Variants in IFT80 observed in about 807,000 individuals in gnomAD.
IFT80 encodes the protein intraflagellar transport 80.
A neutral mutation model predicts 107.9 loss-of-function variants in IFT80; 79 were observed. The ratio of observed to expected loss-of-function variants is 0.73; its 90% CI spans 0.61 to 0.88. The LOEUF is 0.88. IFT80 is among the 40% of genes least tolerant of loss of function. The pLI, the probability that IFT80 is intolerant of heterozygous loss-of-function variation, is 0.00. For synonymous variants in IFT80, 299 were observed against 300.9 expected, an observed-to-expected ratio of 0.99 and a Z score of 0.07; for missense variants, 797 against 914.2, an observed-to-expected ratio of 0.87 and a Z score of 1.65.
At chr3:160,381,265 T>TATATATATATATATA (rs1559971346) in intron 3 of IFT80, among the ~76,000 whole-genome samples, 106 of 135,174 alleles carry the variant, frequency 7.8e-4, no homozygotes, top group Non-Finnish European at 1.1e-3. Flanking sequence ...TATATATATA[T>TATATATATATATATA]TAAAGCCAAA....
rs1030024869 is a variant in IFT80 at position 160,260,329 on chromosome 3, A to G, written c.2224-1694T>C. The stretch of plus-strand genomic sequence containing the variant: ...ATCAGGGCAAAATCTGATATTTTTT[A>G]AACGGCAAAGCACTCATTTCTATGT... On this transcript the variant is annotated intron_variant, in intron 19 of 19. Coordinates refer to ENST00000326448, the MANE Select transcript of IFT80 (RefSeq NM_020800.3). Among the ~76,000 whole-genome samples, 13 of 152,246 alleles carry G rather than the reference A, an allele frequency of 8.5e-5. No homozygotes were observed. In the East Asian group the frequency reaches 9.6e-4, roughly 11 times the overall value.
chr3:160,314,492 C>T (rs927914664), intron 9 of IFT80, among the ~76,000 whole-genome samples: 6 of 152,100 alleles, frequency 3.9e-5, no homozygotes, highest in Non-Finnish European at 7.3e-5. Context: ...TTCAGAGAGA[C>T]GGTAGGGCAA....
intron 12 of IFT80, among the ~76,000 whole-genome samples, chr3:160,292,673 T>C (rs1489133193): frequency 2.6e-5 from 4 of 151,928 alleles, no homozygotes; most frequent in Non-Finnish European, 4.4e-5. Flanking sequence ...AGAGACGGGG[T>C]TTCACCATGT....
chr3:160,296,744 T>C (rs919734103), intron 12 of IFT80, among the ~76,000 whole-genome samples: 2 of 152,174 alleles, frequency 1.3e-5, no homozygotes, highest in African/African-American at 4.8e-5. Flanking sequence ...CAATGACCCA[T>C]ATATTGCCAA....
intron 9 of IFT80, among the ~76,000 whole-genome samples, chr3:160,314,358 C>G (rs999195866): frequency 6.6e-6 from 1 of 152,132 alleles, no homozygotes; most frequent in African/African-American, 2.4e-5. Context: ...CTAGGCACTT[C>G]CTTCTAACAG....
intron 5 of IFT80, among the ~76,000 whole-genome samples, chr3:160,370,482 T>A: frequency 6.6e-6 from 1 of 152,226 alleles, no homozygotes; most frequent in South Asian, 2.1e-4. Context: ...GTTAATCAAG[T>A]GGGATTTATT....
intron 19 of IFT80, among the ~76,000 whole-genome samples, chr3:160,265,193 C>T (rs1337774501): frequency 2.0e-5 from 3 of 152,188 alleles, no homozygotes; most frequent in Admixed American, 6.5e-5. Flanking sequence ...ACACTGTCTA[C>T]AGGAGGCACT....
chr3:160,335,696 C>G (rs2108325045), intron 8 of IFT80, among the ~76,000 whole-genome samples: 1 of 152,220 alleles, frequency 6.6e-6, no homozygotes, highest in East Asian at 1.9e-4. Context: ...TATAATTCAT[C>G]CTTTTAAAAT....
rs536832995 is a variant in IFT80, at chr3:160,306,029, T to C, written c.1076+1634A>G. 2.0e-5 allele frequency among the ~76,000 whole-genome samples: 3 copies of C among 152,284 alleles called. No individual in the cohort carries two copies. In the East Asian group the frequency reaches 5.8e-4, roughly 29 times the overall value. Reference sequence around the variant, plus strand: ...AACTTTATGAAATATGTTTTGGTGGTGATTCATTCCCACTACTGCATCCTT... The same window carrying C: ...AACTTTATGAAATATGTTTTGGTGGCGATTCATTCCCACTACTGCATCCTT... On this transcript the variant is annotated intron_variant, in intron 10 of 19. Transcript: ENST00000326448.
chr3:160,337,692 A>T (rs1169429765), intron 8 of IFT80, among the ~76,000 whole-genome samples: 1 of 151,592 alleles, frequency 6.6e-6, no homozygotes, highest in African/African-American at 2.4e-5. Flanking sequence ...TGAGTATCCT[A>T]TATTAACCTA....
chr3:160,380,503 C>A (rs531565438), intron 3 of IFT80, among the ~76,000 whole-genome samples: 2 of 152,128 alleles, frequency 1.3e-5, no homozygotes, highest in Admixed American at 1.3e-4. Flanking sequence ...ATGGTGAGAA[C>A]AGGGACCCGA....
At chr3:160,386,334 G>A (rs1295907502) in intron 1 of IFT80, among the ~76,000 whole-genome samples, 3 of 152,194 alleles carry the variant, frequency 2.0e-5, no homozygotes, top group Admixed American at 1.3e-4. Context: ...CCAATTTGGG[G>A]AAGTGCAGAG....
At chr3:160,308,647 T>C (rs145502237) in intron 9 of IFT80, among the ~76,000 whole-genome samples, 2,183 of 152,236 alleles carry the variant, frequency 0.014, 51 homozygotes, top group African/African-American at 0.046. Context: ...TTTCTAAATA[T>C]AATGTGACAA....
intron 6 of IFT80, among the ~76,000 whole-genome samples, chr3:160,363,307 C>T (rs544927162): frequency 1.3e-4 from 20 of 152,098 alleles, no homozygotes; most frequent in South Asian, 4.2e-4. Flanking sequence ...CAACTTACAA[C>T]GGATGTGAGG....
At chr3:160,359,799 T>C (rs1488031682) in intron 6 of IFT80, among the ~76,000 whole-genome samples, 1 of 152,174 alleles carries the variant, frequency 6.6e-6, no homozygotes, top group Admixed American at 6.5e-5. Context: ...CAGAAAGGAA[T>C]AGCATCAACA....
chr3:160,346,495 T>C (rs906667013), intron 8 of IFT80, among the ~76,000 whole-genome samples: 1 of 152,222 alleles, frequency 6.6e-6, no homozygotes, highest in Non-Finnish European at 1.5e-5. Flanking sequence ...GAATGGGCCG[T>C]AATTTCCTGT....
At chr3:160,378,721 T>C (rs1461706372) in intron 3 of IFT80, among the ~76,000 whole-genome samples, 2 of 151,438 alleles carry the variant, frequency 1.3e-5, no homozygotes, top group African/African-American at 4.8e-5. Context: ...AACATCAAAA[T>C]TTAAAAATGA....
chr3:160,309,893 A>C (rs1323831845), intron 9 of IFT80, among the ~76,000 whole-genome samples: 1 of 152,076 alleles, frequency 6.6e-6, no homozygotes, highest in East Asian at 1.9e-4. Context: ...CAGGAACCAA[A>C]ATTTTCTGGT....
chr3:160,282,096 G>T (rs1447705937), intron 14 of IFT80, among the ~76,000 whole-genome samples: 1 of 152,174 alleles, frequency 6.6e-6, no homozygotes, highest in Non-Finnish European at 1.5e-5. Context: ...TGGGCAACAT[G>T]GTGAAACCTT....
Sources: gnomAD v4.1 joint callset for allele counts (sites outside exome capture counted in the v4.1 genomes callset) on GRCh38, gnomAD v4.1.1 for gene constraint, MANE v1.5 for transcripts, NCBI Gene and HGNC (gene_info 2026-07-23, HGNC 2026-07-21) for gene names.